The following TLN2 variants were observed in gnomAD, a reference collection of about 807,000 sequenced individuals.
TLN2 encodes the protein talin 2, also known as talin-2.
TLN2 carries 118 observed loss-of-function variants against 294.7 expected under a neutral mutation model. The ratio of observed to expected loss-of-function variants is 0.40; its 90% CI spans 0.34 to 0.47. The LOEUF (loss-of-function observed/expected upper bound fraction) is 0.47, where lower values mean the gene tolerates loss of function less well. Among genes scored for constraint, TLN2 ranks in the 20% least tolerant of loss-of-function variants. The pLI is 0.84. For synonymous variants in TLN2, 1,431 were observed against 1,304.5 expected, an observed-to-expected ratio of 1.10 and a Z score of -2.09; for missense variants, 3,083 against 3,282.2, an observed-to-expected ratio of 0.94 and a Z score of 1.48.
At chr15:62,725,376 A>G (rs550650839) in intron 27 of TLN2, among the ~76,000 whole-genome samples, 4 of 152,294 alleles carry the variant, frequency 2.6e-5, no homozygotes, top group African/African-American at 9.6e-5. Flanking sequence ...GTGGGTAGCA[A>G]TGAGGCTATC....
At chr15:62,682,548 C>G (rs10152905) in intron 11 of TLN2, among the ~76,000 whole-genome samples, 3 of 152,074 alleles carry the variant, frequency 2.0e-5, no homozygotes, top group African/African-American at 7.3e-5. Context: ...GGATAAGTTA[C>G]CTTACCTTTC....
chr15:62,808,889 G>T (rs191161515), intron 51 of TLN2, among the ~76,000 whole-genome samples: 1 of 152,214 alleles, frequency 6.6e-6, no homozygotes. Context: ...GGGACTGGGG[G>T]TAAGTCAAGG....
intron 2 of TLN2, among the ~76,000 whole-genome samples, chr15:62,591,086 AT>A (rs1470319119): frequency 2.0e-5 from 3 of 152,114 alleles, no homozygotes; most frequent in African/African-American, 4.8e-5. Context: ...TGTGTGTGGA[AT>A]TTTTAATAAT....
intron 1 of TLN2, among the ~76,000 whole-genome samples, chr15:62,578,984 A>G (rs2044680864): frequency 6.6e-6 from 1 of 152,198 alleles, no homozygotes; most frequent in Admixed American, 6.5e-5. Context: ...CATTTTATGC[A>G]GAGAAACCTA....
intron 3 of TLN2, among the ~76,000 whole-genome samples, chr15:62,621,341 A>G (rs894971788): frequency 2.0e-5 from 3 of 152,372 alleles, no homozygotes; most frequent in African/African-American, 7.2e-5. Flanking sequence ...CATTTGGGGC[A>G]CAATATGCTA....
At chr15:62,610,161 T>C (rs1343257557) in intron 2 of TLN2, among the ~76,000 whole-genome samples, 1 of 152,246 alleles carries the variant, frequency 6.6e-6, no homozygotes, top group Non-Finnish European at 1.5e-5. Flanking sequence ...GTATGCTCTT[T>C]GCTATTGGAT....
chr15:62,624,290 A>G (rs544655439), intron 3 of TLN2, among the ~76,000 whole-genome samples: 2 of 152,276 alleles, frequency 1.3e-5, no homozygotes, highest in African/African-American at 4.8e-5. Context: ...CTGGCTTGCA[A>G]TATTATTTTT....
intron 51 of TLN2, among the ~76,000 whole-genome samples, chr15:62,808,393 T>A (rs1342321056): frequency 6.6e-6 from 1 of 152,230 alleles, no homozygotes; most frequent in Non-Finnish European, 1.5e-5. Flanking sequence ...CTGCATTTTT[T>A]AAAAATCATG....
intron 27 of TLN2, 100 bp from the exon 28 acceptor site, chr15:62,726,987 G>A: frequency 8.2e-7 from 1 of 1,223,336 alleles, no homozygotes. Context: ...AAAGAGCTAG[G>A]GCTCAAAGTT....
At chr15:62,729,277 A>T (rs2060593800) in intron 28 of TLN2, among the ~76,000 whole-genome samples, 1 of 152,224 alleles carries the variant, frequency 6.6e-6, no homozygotes, top group Non-Finnish European at 1.5e-5. Context: ...GGTAATGCAC[A>T]TCCTCAACTT....
At chr15:62,537,199 T>C (rs1330316740) in intron 1 of TLN2, among the ~76,000 whole-genome samples, 1 of 152,154 alleles carries the variant, frequency 6.6e-6, no homozygotes, top group Admixed American at 6.5e-5. Context: ...TTTATATTTT[T>C]AGTACAGATG....
chr15:62,429,361 C>T (rs191275279), intron 1 of TLN2, among the ~76,000 whole-genome samples: 54 of 152,152 alleles, frequency 3.5e-4, no homozygotes, highest in African/African-American at 1.2e-3. Context: ...TTAGGTGCTT[C>T]GAAAATCGAA....
chr15:62,743,560 T>C (rs909907641), intron 32 of TLN2, among the ~76,000 whole-genome samples: 2 of 152,140 alleles, frequency 1.3e-5, no homozygotes, highest in African/African-American at 4.8e-5. Context: ...TTCATTTTCT[T>C]CCCGTGTAAC....
intron 1 of TLN2, among the ~76,000 whole-genome samples, chr15:62,495,002 C>T (rs1277472094): frequency 3.9e-5 from 6 of 152,166 alleles, no homozygotes; most frequent in East Asian, 3.8e-4. Context: ...GAATGATGCA[C>T]GATGTGGAGC....
intron 1 of TLN2, among the ~76,000 whole-genome samples, chr15:62,482,484 C>T (rs1326123224): frequency 6.6e-6 from 1 of 151,520 alleles, no homozygotes. Context: ...TGCCTGTAAT[C>T]CCAGCTACTC....
At position 62,653,234 on chromosome 15, in the gene TLN2, C is replaced by T. The variant is rs1298716774; in HGVS notation, c.437C>T (p.Thr146Ile). The change falls in exon 7 of 59, where the codon ACA (threonine) becomes ATA (isoleucine). Residue 146 changes from threonine (T) to isoleucine (I), a missense_variant. Physicochemically the swap from Thr to Ile is moderately conservative, Grantham distance 89 (BLOSUM62 -1). Transcript: ENST00000636159. ...IEEKKEEGTG[T>I]LKKDRTLLRD... ...GAAAAGAAAGAGGAAGGAACGGGCA[C>T]ACTCAAAAAAGACAGGACACTGTTA... is the stretch of plus-strand genomic sequence containing the variant. The T allele has an allele frequency of 1.9e-6, 3 of 1,612,926 alleles. No individual in the cohort carries two copies. Among genetic ancestry groups the T allele is most frequent in the African/African-American group, 2.7e-5 (2 of 74,878 alleles).
chr15:62,603,669 A>T (rs376736473), intron 2 of TLN2, among the ~76,000 whole-genome samples: 1 of 152,230 alleles, frequency 6.6e-6, no homozygotes, highest in South Asian at 2.1e-4. Flanking sequence ...TTTTGTAAAG[A>T]CAAAGCAGGA....
At position 62,825,803 on chromosome 15, in the gene TLN2, ATAT is replaced by A. The variant is rs2068059415; in HGVS notation, c.7002+5194_7002+5196del. 8.2e-4 allele frequency among the ~76,000 whole-genome samples: 4 copies of A among 4,898 alleles called. 2 individuals are homozygous for A. The highest frequency in any genetic ancestry group is 1.4e-3 in the African/African-American group (4 of 2,764). 3.2% of individuals were successfully genotyped at this position (4,898 alleles called of 152,430 possible). ...TATATTATATATTATAATATATATT[ATAT>A]ATTATATTATAATATATATTATAAT... is the stretch of plus-strand genomic sequence containing the variant. On this transcript the variant is annotated intron_variant, in intron 54 of 58. Coordinates refer to ENST00000636159, the MANE Select transcript of TLN2 (RefSeq NM_015059.3).
At chr15:62,560,477 C>T (rs2042864833) in intron 1 of TLN2, among the ~76,000 whole-genome samples, 1 of 152,172 alleles carries the variant, frequency 6.6e-6, no homozygotes, top group Non-Finnish European at 1.5e-5. Context: ...CAGGCACCCG[C>T]CACCATGCCC....
Sources: gnomAD v4.1 joint callset for allele counts (sites outside exome capture counted in the v4.1 genomes callset) on GRCh38, gnomAD v4.1.1 for gene constraint, MANE v1.5 for transcripts, NCBI Gene and HGNC (gene_info 2026-07-23, HGNC 2026-07-21) for gene names.